The following ASCC3 variants were observed in gnomAD, a reference collection of about 807,000 sequenced individuals.
The protein encoded by ASCC3 is ASC-1 complex subunit P200.
A neutral mutation model predicts 256.3 loss-of-function variants in ASCC3; 158 were observed. That is an observed-to-expected ratio of 0.62 (90% confidence interval 0.54 to 0.70). The LOEUF is 0.70. ASCC3 is among the 30% of genes least tolerant of loss of function. The pLI, the probability that ASCC3 is intolerant of heterozygous loss-of-function variation, is 0.00. For synonymous variants in ASCC3, 948 were observed against 883.4 expected, an observed-to-expected ratio of 1.07 and a Z score of -1.30; for missense variants, 2,259 against 2,626.0, an observed-to-expected ratio of 0.86 and a Z score of 3.05.
intron 10 of ASCC3, among the ~76,000 whole-genome samples, chr6:100,736,209 A>G (rs1223760935): frequency 1.3e-5 from 2 of 152,230 alleles, no homozygotes; most frequent in Non-Finnish European, 2.9e-5. Context: ...ATTTAATAAT[A>G]TATAATGTAA....
rs527246494 is a variant in ASCC3 at position 100,776,947 on chromosome 6, C to A, written c.1396-9602G>T. ...TAATTTTCACAGTTTTTCTTCGGCT[C>A]CCTATAAAATGTGGCTTAGGCTCAA... On this transcript the variant is annotated intron_variant, in intron 8 of 41. Transcript: ENST00000369162. Among the ~76,000 whole-genome samples the A allele has an allele frequency of 2.6e-4, 40 of 152,092 alleles. No homozygotes were observed. In the Middle Eastern group the frequency reaches 0.01, roughly 39 times the overall value.
At chr6:100,562,278 T>C (rs970636207) in intron 36 of ASCC3, among the ~76,000 whole-genome samples, 1 of 152,106 alleles carries the variant, frequency 6.6e-6, no homozygotes, top group African/African-American at 2.4e-5. Flanking sequence ...GAAAACATAG[T>C]ATGAGAATGA....
intron 9 of ASCC3, 136 bp downstream of exon 9, chr6:100,767,009 G>A (rs1177403353): frequency 1.1e-6 from 1 of 947,912 alleles, no homozygotes; most frequent in Non-Finnish European, 1.6e-6. Flanking sequence ...TAGTAATGAA[G>A]TAAATCAAAC....
At chr6:100,639,165 A>C (rs1774992012) in intron 24 of ASCC3, among the ~76,000 whole-genome samples, 1 of 152,184 alleles carries the variant, frequency 6.6e-6, no homozygotes, top group Non-Finnish European at 1.5e-5. Flanking sequence ...AAAAATTAAA[A>C]CCATTTGCAG....
chr6:100,858,867 T>C (rs189127980), intron 3 of ASCC3: 65 of 485,628 alleles, frequency 1.3e-4, no homozygotes, highest in African/African-American at 1.1e-3. Flanking sequence ...GTAATTTTTT[T>C]CTGATTCAAG....
At chr6:100,627,469 T>G in intron 29 of ASCC3, 121 bp downstream of exon 29, 1 of 1,298,436 alleles carries the variant, frequency 7.7e-7, no homozygotes, top group Non-Finnish European at 1.1e-6. Context: ...ACAAACAGTT[T>G]TAGATATACG....
chr6:100,880,957 T>A (rs888509557), intron 1 of ASCC3, 104 bp downstream of exon 1: 1 of 152,270 alleles, frequency 6.6e-6, no homozygotes, highest in East Asian at 1.9e-4. Context: ...AGGAAGAGAA[T>A]CTCTGGCGGG....
At chr6:100,522,875 C>G (rs898366233) in intron 37 of ASCC3, among the ~76,000 whole-genome samples, 1 of 150,396 alleles carries the variant, frequency 6.6e-6, no homozygotes, top group African/African-American at 2.5e-5. Flanking sequence ...TCTGGGGAAC[C>G]TGACTTCAAA....
chr6:100,856,496 T>A (rs968232892), intron 3 of ASCC3: 1 of 829,214 alleles, frequency 1.2e-6, no homozygotes. Context: ...TTTTATTGAA[T>A]ATAACAAGAA....
chr6:100,517,183 G>T (rs921841096), intron 38 of ASCC3, among the ~76,000 whole-genome samples: 16 of 152,032 alleles, frequency 1.1e-4, no homozygotes, highest in African/African-American at 3.9e-4. Context: ...AAGTCAAATT[G>T]AGGGACTTTC....
intron 22 of ASCC3, among the ~76,000 whole-genome samples, chr6:100,644,474 T>C (rs1775282437): frequency 1.3e-5 from 2 of 152,318 alleles, no homozygotes; most frequent in Admixed American, 1.3e-4. Context: ...TTTACCATGA[T>C]GGTTTCACAG....
chr6:100,540,035 A>G, intron 37 of ASCC3, 128 bp downstream of exon 37: 2 of 839,354 alleles, frequency 2.4e-6, no homozygotes, highest in Non-Finnish European at 4.0e-6. Flanking sequence ...GATATGATCA[A>G]CCAGTTGTTT....
intron 36 of ASCC3, among the ~76,000 whole-genome samples, chr6:100,541,228 T>A (rs1371316999): frequency 6.6e-6 from 1 of 151,742 alleles, no homozygotes; most frequent in African/African-American, 2.4e-5. Context: ...TAATTGGATA[T>A]GTTAATATTC....
chr6:100,534,168 C>T (rs1292620028), intron 37 of ASCC3, among the ~76,000 whole-genome samples: 1 of 152,142 alleles, frequency 6.6e-6, no homozygotes, highest in Non-Finnish European at 1.5e-5. Flanking sequence ...CCATTGAGCC[C>T]AGAAGTCAAG....
chr6:100,593,714 T>A (rs1003565907), intron 34 of ASCC3, among the ~76,000 whole-genome samples: 13 of 152,140 alleles, frequency 8.5e-5, no homozygotes, highest in African/African-American at 2.4e-4. Flanking sequence ...CCATTTTTTT[T>A]ATGTTCAGAT....
At chr6:100,601,346 C>T (rs1772599831) in intron 34 of ASCC3, among the ~76,000 whole-genome samples, 1 of 152,046 alleles carries the variant, frequency 6.6e-6, no homozygotes, top group African/African-American at 2.4e-5. Flanking sequence ...AAGTGCTGAA[C>T]GAAGATCTAA....
intron 10 of ASCC3, 126 bp from the exon 11 acceptor site, chr6:100,725,829 C>A: frequency 1.1e-6 from 1 of 901,944 alleles, no homozygotes; most frequent in South Asian, 1.5e-5. Context: ...TTAGAATAGC[C>A]TAGAATTACA....
chr6:100,661,411 C>G (rs1383151129), intron 16 of ASCC3, among the ~76,000 whole-genome samples: 2 of 149,972 alleles, frequency 1.3e-5, no homozygotes, highest in African/African-American at 2.4e-5. Context: ...CAAAGTTAAT[C>G]AACTGACCTA....
At chr6:100,788,621 GA>G (rs1021941549) in intron 8 of ASCC3, among the ~76,000 whole-genome samples, 27 of 145,010 alleles carry the variant, frequency 1.9e-4, no homozygotes, top group African/African-American at 6.6e-4. Context: ...TTTCAGCCAT[GA>G]AAAAAAAAAC....
Sources: gnomAD v4.1 joint callset for allele counts (sites outside exome capture counted in the v4.1 genomes callset) on GRCh38, gnomAD v4.1.1 for gene constraint, MANE v1.5 for transcripts, NCBI Gene and HGNC (gene_info 2026-07-23, HGNC 2026-07-21) for gene names.